Variants in COL5A2 observed in about 807,000 individuals in gnomAD.
COL5A2 encodes the protein collagen alpha-2(V) chain.
In COL5A2, 23 loss-of-function variants were observed where a neutral mutation model predicts 208.2. The observed-to-expected ratio is 0.11, with a 90% CI of 0.08 to 0.16. The LOEUF is 0.16. Among genes scored for constraint, COL5A2 ranks in the 10% least tolerant of loss-of-function variants. The probability of loss-of-function intolerance (pLI) is 1.00; values close to 1 mark genes in which losing one functional copy is unlikely to be tolerated. For missense variants in COL5A2, 1,590 were observed against 1,956.4 expected (o/e 0.81, Z 3.53); for synonymous variants, 625 against 628.5 (o/e 0.99, Z 0.08).
the COL5A2 span, among the ~76,000 whole-genome samples, chr2:189,231,650 A>G: frequency 1.3e-5 from 2 of 151,796 alleles, no homozygotes; most frequent in African/African-American, 4.8e-5. Context: ...CTTAAGAAAA[A>G]AGGACATATG....
chr2:189,363,967 A>T, the COL5A2 span, among the ~76,000 whole-genome samples: 1 of 152,340 alleles, frequency 6.6e-6, no homozygotes, highest in East Asian at 1.9e-4. Flanking sequence ...ATATGTTCAT[A>T]CAGGAAGGGA....
At chr2:189,146,852 T>C (rs1688049514) in intron 1 of COL5A2, among the ~76,000 whole-genome samples, 2 of 151,990 alleles carry the variant, frequency 1.3e-5, no homozygotes, top group South Asian at 2.1e-4. Flanking sequence ...CTAAATCAAA[T>C]TTTCCCAAGT....
At chr2:189,323,329 G>C in the COL5A2 span, among the ~76,000 whole-genome samples, 8 of 152,072 alleles carry the variant, frequency 5.3e-5, no homozygotes, top group Non-Finnish European at 1.0e-4. Context: ...AAGGCAATGA[G>C]GCAGGAGAAG....
intron 1 of COL5A2, among the ~76,000 whole-genome samples, chr2:189,143,556 A>T (rs148778023): frequency 1.3e-5 from 2 of 152,314 alleles, no homozygotes; most frequent in Non-Finnish European, 2.9e-5. Context: ...GGCATTAATG[A>T]AGTATTAATT....
At chr2:189,114,922 C>T (rs1419578332) in intron 1 of COL5A2, among the ~76,000 whole-genome samples, 2 of 151,472 alleles carry the variant, frequency 1.3e-5, no homozygotes, top group Non-Finnish European at 2.9e-5. Context: ...AAAAAGAACG[C>T]CAAAACTATA....
At chr2:189,201,506 T>C (rs1689067756) in intron 1 of COL5A2, among the ~76,000 whole-genome samples, 1 of 151,946 alleles carries the variant, frequency 6.6e-6, no homozygotes, top group African/African-American at 2.4e-5. Context: ...AATATCTAAT[T>C]AGAATCCTAG....
intron 1 of COL5A2, among the ~76,000 whole-genome samples, chr2:189,222,008 T>C (rs906910607): frequency 7.9e-5 from 12 of 152,048 alleles, no homozygotes; most frequent in African/African-American, 1.2e-4. Context: ...CCATTCTGAG[T>C]CACAGGCCTG....
the COL5A2 span, among the ~76,000 whole-genome samples, chr2:189,377,089 T>C: frequency 7.2e-5 from 11 of 152,202 alleles, no homozygotes; most frequent in African/African-American, 2.7e-4. Context: ...TCCCAACTTT[T>C]CTGCTTCATC....
In COL5A2 at chr2:189,201,150, T is replaced by G. The variant is rs541725212; in HGVS notation, c.-42+23998A>C. On this transcript the variant is annotated intron_variant, in intron 1 of 10. Coordinates refer to the COL5A2 transcript ENST00000649966. ...ACAATATTAGCAATTATATAAAAAG[T>G]TAATTATATGATAAAGGTAGAACAA... Among the ~76,000 whole-genome samples, 8 of 152,120 alleles carry G rather than the reference T, an allele frequency of 5.3e-5. No homozygotes were observed. In the South Asian group the frequency reaches 1.7e-3, roughly 32 times the overall value.
At position 189,051,465 on chromosome 2, in the gene COL5A2, G is replaced by T. The variant is rs747843876; in HGVS notation, c.2786C>A (p.Ala929Glu). The T allele has an allele frequency of 6.2e-7, 1 of 1,608,986 alleles. No individual in the cohort carries two copies. Among genetic ancestry groups the T allele is most frequent in the Admixed American group, 1.7e-5 (1 of 59,142 alleles). The change falls in exon 42 of 54, where the codon GCG (alanine) becomes GAG (glutamate). Residue 929 changes from alanine to glutamate, a missense_variant. Ala to Glu is a moderately radical substitution (Grantham distance 107, BLOSUM62 -1). Transcript: ENST00000374866. Reference protein sequence around the residue: ...PPGPAGAPGPAGPLGEPGKEG... With the variant: ...PPGPAGAPGPEGPLGEPGKEG... ...CTTCCCGGGTTCCCCTAGGGGTCCCGCAGGTCCTGGAGCTCCCTAGTATAA... is the reference window on the plus strand; with the variant it reads ...CTTCCCGGGTTCCCCTAGGGGTCCCTCAGGTCCTGGAGCTCCCTAGTATAA...
the COL5A2 span, among the ~76,000 whole-genome samples, chr2:189,243,633 T>C: frequency 6.6e-6 from 1 of 152,106 alleles, no homozygotes; most frequent in Non-Finnish European, 1.5e-5. Flanking sequence ...AACCATATCA[T>C]TCAGCCCCTG....
At chr2:189,176,016 A>G (rs1421434783) in intron 1 of COL5A2, among the ~76,000 whole-genome samples, 2 of 152,222 alleles carry the variant, frequency 1.3e-5, no homozygotes, top group African/African-American at 4.8e-5. Flanking sequence ...ATATTTATAC[A>G]TATTCTGTAC....
chr2:189,279,187 G>T, the COL5A2 span, among the ~76,000 whole-genome samples: 3 of 151,616 alleles, frequency 2.0e-5, no homozygotes, highest in Admixed American at 1.3e-4. Context: ...AGAATAAGAC[G>T]AACTAGCATA....
chr2:189,107,500 C>T (rs1413493490), intron 2 of COL5A2, among the ~76,000 whole-genome samples: 2 of 151,138 alleles, frequency 1.3e-5, no homozygotes, highest in Non-Finnish European at 3.0e-5. Context: ...ATTATTTCTA[C>T]TATATTTCAG....
the COL5A2 span, among the ~76,000 whole-genome samples, chr2:189,282,640 T>C: frequency 6.6e-6 from 1 of 152,194 alleles, no homozygotes; most frequent in Non-Finnish European, 1.5e-5. Flanking sequence ...AATTAGTCTG[T>C]GTTCATCTTT....
chr2:189,417,106 C>T, the COL5A2 span, among the ~76,000 whole-genome samples: 1 of 152,076 alleles, frequency 6.6e-6, no homozygotes, highest in Non-Finnish European at 1.5e-5. Context: ...TCATCTTTCC[C>T]CTAAATTTTA....
chr2:189,136,667 T>G (rs1687833586), intron 1 of COL5A2, among the ~76,000 whole-genome samples: 1 of 151,460 alleles, frequency 6.6e-6, no homozygotes, highest in Non-Finnish European at 1.5e-5. Context: ...TAGTCAAATT[T>G]CCAAACCTGA....
chr2:189,276,242 C>T, the COL5A2 span, among the ~76,000 whole-genome samples: 1 of 152,148 alleles, frequency 6.6e-6, no homozygotes, highest in Non-Finnish European at 1.5e-5. Context: ...ATCTCATCAA[C>T]CAAGTTCTAC....
the COL5A2 span, among the ~76,000 whole-genome samples, chr2:189,232,735 A>G: frequency 6.6e-6 from 1 of 151,686 alleles, no homozygotes; most frequent in Non-Finnish European, 1.5e-5. Flanking sequence ...TAGTCCCCCT[A>G]CAAAAGAGAA....
Sources: gnomAD v4.1 joint callset for allele counts (sites outside exome capture counted in the v4.1 genomes callset) on GRCh38, gnomAD v4.1.1 for gene constraint, MANE v1.5 for transcripts, NCBI Gene and HGNC (gene_info 2026-07-23, HGNC 2026-07-21) for gene names.